The following JADE1 variants were observed in gnomAD, a reference collection of about 807,000 sequenced individuals.
The protein encoded by JADE1 is jade family PHD finger 1, also known as protein Jade-1.
A neutral mutation model predicts 81.8 loss-of-function variants in JADE1; 14 were observed. The ratio of observed to expected loss-of-function variants is 0.17; its 90% CI spans 0.11 to 0.27. The LOEUF is 0.27. Ranked by LOEUF, JADE1 falls within the 10% of genes least tolerant of loss-of-function variation. The probability of loss-of-function intolerance (pLI) is 1.00; values close to 1 mark genes in which losing one functional copy is unlikely to be tolerated. For synonymous variants in JADE1, 353 were observed against 391.9 expected (o/e 0.90, Z 1.17); for missense variants, 690 against 1,047.9 (o/e 0.66, Z 4.71).
chr4:128,858,093 G>A (rs1447553228), intron 8 of JADE1, among the ~76,000 whole-genome samples: 1 of 151,426 alleles, frequency 6.6e-6, no homozygotes, highest in Non-Finnish European at 1.5e-5. Context: ...GCATGCACGT[G>A]TGTGTGTGTG....
intron 2 of JADE1, among the ~76,000 whole-genome samples, chr4:128,837,429 G>T (rs904472467): frequency 1.3e-5 from 2 of 152,164 alleles, no homozygotes; most frequent in African/African-American, 2.4e-5. Flanking sequence ...TATGTATGAT[G>T]CCTTTGTTTG....
intron 9 of JADE1, chr4:128,863,547 A>G (rs1731542103): frequency 1.0e-6 from 1 of 985,338 alleles, no homozygotes; most frequent in Non-Finnish European, 1.2e-6. Context: ...ACTGAGTGCC[A>G]GCTTATTTGT....
At chr4:128,833,407 T>TA (rs911050111) in intron 2 of JADE1, among the ~76,000 whole-genome samples, 2 of 151,936 alleles carry the variant, frequency 1.3e-5, no homozygotes, top group South Asian at 2.1e-4. Context: ...CTACATTAAT[T>TA]AAAAAAAATA....
At chr4:128,831,148 T>C (rs1228086983) in intron 1 of JADE1, among the ~76,000 whole-genome samples, 2 of 152,220 alleles carry the variant, frequency 1.3e-5, no homozygotes. Flanking sequence ...TTGTATAATG[T>C]CTGTGGTTCC....
intron 1 of JADE1, among the ~76,000 whole-genome samples, chr4:128,812,202 C>G (rs866416147): frequency 1.3e-5 from 2 of 152,060 alleles, no homozygotes; most frequent in Admixed American, 6.5e-5. Flanking sequence ...CTTGGTTGCG[C>G]CACGAGAAGG....
At chr4:128,864,395 C>G (rs1357844158) in intron 9 of JADE1, 6 of 952,716 alleles carry the variant, frequency 6.3e-6, no homozygotes, top group Non-Finnish European at 7.5e-6. Flanking sequence ...ATCTACCTGT[C>G]TTGGCCTCCC....
chr4:128,871,933 G>T lies in JADE1; in HGVS notation c.2200G>T (p.Ala734Ser). ...SLIKVNYNQTAVKVPTTPASP... is the reference protein window; with the variant it reads ...SLIKVNYNQTSVKVPTTPASP... Reference sequence around the variant, plus strand: ...AATCAAAGTAAACTATAATCAGACTGCAGTCAAAGTGCCTACAACACCTGC... The same window carrying T: ...AATCAAAGTAAACTATAATCAGACTTCAGTCAAAGTGCCTACAACACCTGC... Residue 734 changes from alanine (A) to serine (S), a missense_variant, in exon 11 of 11, where the codon GCA (alanine) becomes TCA (serine). Ala to Ser is a moderately conservative substitution (Grantham distance 99). Coordinates refer to ENST00000226319, the MANE Select transcript of JADE1 (RefSeq NM_199320.4). This position sits in a 1 kb window ranked among gnomAD's most constrained non-coding sequence, Gnocchi z 4.1. 1 of 1,613,996 alleles carries T rather than the reference G, an allele frequency of 6.2e-7. No homozygotes were observed. Among genetic ancestry groups the T allele is most frequent in the Non-Finnish European group, 8.5e-7 (1 of 1,179,972 alleles).
chr4:128,863,661 A>G (rs982077779), intron 9 of JADE1: 1 of 985,418 alleles, frequency 1.0e-6, no homozygotes, highest in African/African-American at 1.7e-5. Context: ...TTGTGCTCCC[A>G]TACGCCCCCT....
chr4:128,843,362 T>C (rs1470322094), intron 3 of JADE1, among the ~76,000 whole-genome samples: 2 of 152,224 alleles, frequency 1.3e-5, no homozygotes, highest in Non-Finnish European at 2.9e-5. Context: ...CCAACAACTT[T>C]TCTTCCTCTG....
At chr4:128,864,422 G>T (rs1202358315) in intron 9 of JADE1, 3 of 984,338 alleles carry the variant, frequency 3.0e-6, no homozygotes, top group East Asian at 1.1e-4. Context: ...TTGGGATTAC[G>T]CCACTGTACC....
chr4:128,855,334 T>C (rs1301922232), intron 6 of JADE1, among the ~76,000 whole-genome samples: 1 of 152,234 alleles, frequency 6.6e-6, no homozygotes, highest in African/African-American at 2.4e-5. Flanking sequence ...CAGATTTCAT[T>C]TAAACCTTTC....
At chr4:128,830,235 G>A (rs1021666492) in intron 1 of JADE1, among the ~76,000 whole-genome samples, 2 of 150,154 alleles carry the variant, frequency 1.3e-5, no homozygotes, top group African/African-American at 4.9e-5. Flanking sequence ...ATTGTTGTGT[G>A]TATGTGTGTG....
At chr4:128,819,568 C>A (rs982225769) in intron 1 of JADE1, among the ~76,000 whole-genome samples, 1 of 152,158 alleles carries the variant, frequency 6.6e-6, no homozygotes, top group Non-Finnish European at 1.5e-5. Context: ...GTATGTGTCA[C>A]AGCAATCAGA....
rs997784735 is a variant in JADE1, at chr4:128,819,167, C to T, written c.-27+9290C>T. 2.6e-5 allele frequency among the ~76,000 whole-genome samples: 4 copies of T among 152,090 alleles called. No homozygotes were observed. The South Asian group carries it at 6.2e-4, about 24-fold the overall frequency. On this transcript the variant is annotated intron_variant, in intron 1 of 10. Transcript: ENST00000226319. ...TGGTGGCTGAGCTCCCTTCTAGGAA[C>T]CTGAAAATGCAAGTTGAAATTAGAA...
intron 10 of JADE1, among the ~76,000 whole-genome samples, chr4:128,869,401 T>A (rs980348741): frequency 6.6e-6 from 1 of 152,208 alleles, no homozygotes; most frequent in Non-Finnish European, 1.5e-5. Flanking sequence ...TGGAAGACTG[T>A]CTGGTGCAGA....
intron 1 of JADE1, chr4:128,811,163 T>C (rs1216831088): frequency 6.6e-6 from 1 of 152,254 alleles, no homozygotes; most frequent in Non-Finnish European, 1.5e-5. Flanking sequence ...ATGTGGAATG[T>C]TGACCGGGGA....
intron 10 of JADE1, among the ~76,000 whole-genome samples, chr4:128,869,625 G>A (rs1441954151): frequency 6.6e-6 from 1 of 152,196 alleles, no homozygotes; most frequent in African/African-American, 2.4e-5. Context: ...CATGGCTGAG[G>A]TTTTTACTGG....
chr4:128,832,710 C>T (rs1463384742), intron 2 of JADE1, among the ~76,000 whole-genome samples: 1 of 152,152 alleles, frequency 6.6e-6, no homozygotes, highest in Non-Finnish European at 1.5e-5. Flanking sequence ...GGCAGGGAAA[C>T]CTGCAGAGGA....
chr4:128,855,598 C>T lies in JADE1; in HGVS notation c.697-32C>T, dbSNP rs139959014. On this transcript the variant is annotated intron_variant, in intron 6 of 10. Coordinates refer to ENST00000226319, the MANE Select transcript of JADE1 (RefSeq NM_199320.4). Reference sequence around the variant, plus strand: ...GAAAAATAACATTTTCTCTTTCTCTCTATTCCTCTGGGATGTGCCGTGGCA... The same window carrying T: ...GAAAAATAACATTTTCTCTTTCTCTTTATTCCTCTGGGATGTGCCGTGGCA... The T allele has an allele frequency of 9.5e-4, 1,480 of 1,551,094 alleles. 14 individuals are homozygous for T. The Admixed American group carries it at 0.016, about 16-fold the overall frequency.
Sources: gnomAD v4.1 joint callset for allele counts (sites outside exome capture counted in the v4.1 genomes callset) on GRCh38, gnomAD v4.1.1 for gene constraint, Gnocchi (gnomAD v3.1) non-coding constraint, MANE v1.5 for transcripts, NCBI Gene and HGNC (gene_info 2026-07-23, HGNC 2026-07-21) for gene names.